Variants in CMC1 observed in about 807,000 individuals in gnomAD.
CMC1 encodes the protein COX assembly mitochondrial protein homolog.
CMC1 carries 14 observed loss-of-function variants against 14.1 expected under a neutral mutation model. The observed-to-expected ratio is 0.99, with a 90% CI of 0.66 to 1.55. CMC1 has a LOEUF of 1.55. Ranked by LOEUF, CMC1 falls within the 40% of genes most tolerant of loss-of-function variation. The pLI, the probability that CMC1 is intolerant of heterozygous loss-of-function variation, is 0.00. For synonymous variants in CMC1, 50 were observed against 38.4 expected, an observed-to-expected ratio of 1.30 and a Z score of -1.12; for missense variants, 127 against 123.8, an observed-to-expected ratio of 1.03 and a Z score of -0.12.
intron 3 of CMC1, chr3:28,317,565 T>A (rs1046806849): frequency 1.2e-4 from 19 of 152,038 alleles, no homozygotes; most frequent in African/African-American, 3.9e-4. Flanking sequence ...AATTTTTATA[T>A]CTCAGATTCA....
chr3:28,272,973 C>G (rs1176233944), intron 2 of CMC1, among the ~76,000 whole-genome samples: 1 of 152,174 alleles, frequency 6.6e-6, no homozygotes, highest in Non-Finnish European at 1.5e-5. Flanking sequence ...GTGTGAGCCA[C>G]CACGCCCAGC....
chr3:28,253,905 A>G (rs1212249182), intron 1 of CMC1: 8 of 370,848 alleles, frequency 2.2e-5, no homozygotes, highest in Non-Finnish European at 3.6e-5. Context: ...AAGACTCTGT[A>G]ATATTCTTAT....
chr3:28,316,369 T>A lies in CMC1; in HGVS notation c.146T>A (p.Met49Lys). The change falls in exon 3 of 4, where the codon ATG becomes AAG. Residue 49 changes from methionine to lysine, a missense_variant. Coordinates refer to ENST00000466830, the MANE Select transcript of CMC1 (RefSeq NM_182523.2). ...TKCCKNSGVL[M>K]VVKCRKENSA... The stretch of plus-strand genomic sequence containing the variant: ...TGTTGCAAGAACTCTGGAGTTCTTA[T>A]GGTAGTAAAATGCCGGAAAGAAAAT... The A allele has an allele frequency of 6.3e-7, 1 of 1,595,202 alleles. No individual in the cohort carries two copies. The highest frequency in any genetic ancestry group is 8.5e-7 in the Non-Finnish European group (1 of 1,172,610).
At position 28,323,643 on chromosome 3, in the gene CMC1, A is replaced by G. The variant is rs1233934584; in HGVS notation, c.*4014A>G. ...ACATTGCCATTTGTTCCATTATGCA[A>G]TTTGAAGAAACATGTTTTCCTTTTA... On this transcript the variant is annotated 3_prime_UTR_variant, in exon 4 of 4. Transcript: ENST00000466830. The G allele has an allele frequency of 1.3e-5, 2 of 155,766 alleles. No homozygotes were observed. The highest frequency in any genetic ancestry group is 4.8e-5 in the African/African-American group (2 of 41,428). The allele number at this position is 155,766 out of a possible 1,614,324, so 9.6% of individuals were successfully genotyped here.
intron 2 of CMC1, among the ~76,000 whole-genome samples, chr3:28,302,444 T>G (rs543367012): frequency 1.0e-3 from 152 of 152,276 alleles, no homozygotes; most frequent in Non-Finnish European, 1.9e-3. Flanking sequence ...AAAGTGTGTT[T>G]GGGGAGACTT....
intron 1 of CMC1, among the ~76,000 whole-genome samples, chr3:28,262,071 T>A (rs759852473): frequency 6.6e-6 from 1 of 152,196 alleles, no homozygotes; most frequent in Non-Finnish European, 1.5e-5. Flanking sequence ...GTTTAGAGAC[T>A]CTAGAATTCT....
intron 1 of CMC1, among the ~76,000 whole-genome samples, chr3:28,249,198 C>A (rs1048227048): frequency 6.6e-6 from 1 of 152,190 alleles, no homozygotes; most frequent in Non-Finnish European, 1.5e-5. Context: ...GAGATTCTTA[C>A]AGATCAAAAG....
chr3:28,258,834 A>G (rs1269534622), intron 1 of CMC1, among the ~76,000 whole-genome samples: 1 of 151,840 alleles, frequency 6.6e-6, no homozygotes, highest in Non-Finnish European at 1.5e-5. Flanking sequence ...TGTGTTAGCC[A>G]GGATGGTCTC....
Position 28,306,889 on chromosome 3 carries a change from G to A in CMC1, c.110-9444G>A, listed in dbSNP as rs201591057. ...CTCCAATCCTGACCTCAGGTGATCC[G>A]CCCACCTCGGCCTCCCAGAGTGCTG... On this transcript the variant is annotated intron_variant, in intron 2 of 3. Coordinates refer to ENST00000466830, the MANE Select transcript of CMC1 (RefSeq NM_182523.2). Among the ~76,000 whole-genome samples, 32 of 152,138 alleles carry A rather than the reference G, an allele frequency of 2.1e-4. No individual in the cohort carries two copies. In the East Asian group the frequency reaches 2.1e-3, roughly 10 times the overall value.
intron 2 of CMC1, among the ~76,000 whole-genome samples, chr3:28,264,644 G>A (rs1640234712): frequency 6.6e-6 from 1 of 152,112 alleles, no homozygotes; most frequent in Non-Finnish European, 1.5e-5. Context: ...ATTGGTAGGT[G>A]TCATGTTTAT....
chr3:28,296,792 ATAAT>A (rs2125563902), intron 2 of CMC1, among the ~76,000 whole-genome samples: 1 of 152,208 alleles, frequency 6.6e-6, no homozygotes, highest in East Asian at 1.9e-4. Flanking sequence ...AATACTTTAA[ATAAT>A]TATTTCATTG....
At chr3:28,310,575 G>C (rs915781344) in intron 2 of CMC1, among the ~76,000 whole-genome samples, 1 of 151,980 alleles carries the variant, frequency 6.6e-6, no homozygotes, top group Non-Finnish European at 1.5e-5. Flanking sequence ...GTTCTACTTT[G>C]GTAATTAAAG....
chr3:28,263,177 A>C, intron 1 of CMC1, 114 bp from the exon 2 acceptor site: 1 of 690,680 alleles, frequency 1.4e-6, no homozygotes, highest in South Asian at 1.8e-5. Context: ...ATAAGGTTGT[A>C]AGTTTTGAGT....
In CMC1 at chr3:28,241,696, G is replaced by A. The variant is rs1698518865; in HGVS notation, c.-98G>A. On this transcript the variant is annotated 5_prime_UTR_variant, in exon 1 of 4. Coordinates refer to ENST00000466830, the MANE Select transcript of CMC1 (RefSeq NM_182523.2). ...TGTTTCTGTTGCGGGAAGCTCCCGG[G>A]GGTCGCACGTGCGTCCGAGCCCAAG... The A allele has an allele frequency of 4.0e-6, 5 of 1,236,944 alleles. No homozygotes were observed. The highest frequency in any genetic ancestry group is 6.2e-4 in the Middle Eastern group (2 of 3,248). The allele number at this position is 1,236,944 out of a possible 1,614,324, so 76.6% of individuals were successfully genotyped here.
chr3:28,254,270 T>C (rs1432857546), intron 1 of CMC1, among the ~76,000 whole-genome samples: 1 of 152,230 alleles, frequency 6.6e-6, no homozygotes, highest in African/African-American at 2.4e-5. Context: ...ATATTGTGAA[T>C]CAAAATTGCC....
At chr3:28,255,160 CT>C (rs1484190985) in intron 1 of CMC1, among the ~76,000 whole-genome samples, 1 of 152,114 alleles carries the variant, frequency 6.6e-6, no homozygotes, top group East Asian at 1.9e-4. Flanking sequence ...CACCATCAAG[CT>C]TATAGGACCT....
rs1248681851 is a variant in CMC1, at chr3:28,320,795, A to T, written c.*1166A>T. On this transcript the variant is annotated 3_prime_UTR_variant, in exon 4 of 4. Transcript: ENST00000466830. ...GTATAAAAAATTTATGTCCCAATTT[A>T]ATAATTTGAGCTTTTATATTAAAAG... 5 of 150,588 alleles carry T rather than the reference A, an allele frequency of 3.3e-5. No homozygotes were observed. The highest frequency in any genetic ancestry group is 1.2e-4 in the African/African-American group (5 of 41,304). The allele number at this position is 150,588 out of a possible 1,614,324, so 9.3% of individuals were successfully genotyped here. A position where few individuals can be genotyped will look rare whatever the true frequency, so the allele number is the denominator to read the frequency against.
rs1703308453 is a variant in CMC1, at chr3:28,324,503, CATAAAATTCG to C, written c.*4879_*4888del. ...TGTCAGTTTTCATTACATTTGTGAT[CATAAAATTCG>C]ATAACACTTCACCAATTTGAATTCT... On this transcript the variant is annotated 3_prime_UTR_variant, in exon 4 of 4. Transcript: ENST00000466830. The C allele has an allele frequency of 7.2e-7, 1 of 1,388,982 alleles. No individual in the cohort carries two copies. The highest frequency in any genetic ancestry group is 9.5e-7 in the Non-Finnish European group (1 of 1,056,952). 86.0% of individuals were successfully genotyped at this position (1,388,982 alleles called of 1,614,324 possible). A position where few individuals can be genotyped will look rare whatever the true frequency, so the allele number is the denominator to read the frequency against.
intron 1 of CMC1, among the ~76,000 whole-genome samples, chr3:28,260,716 T>C (rs1222916893): frequency 6.6e-6 from 1 of 152,120 alleles, no homozygotes; most frequent in Non-Finnish European, 1.5e-5. Context: ...TTTTTCTAGA[T>C]AGGTTTTTAG....
Sources: gnomAD v4.1 joint callset for allele counts (sites outside exome capture counted in the v4.1 genomes callset) on GRCh38, gnomAD v4.1.1 for gene constraint, MANE v1.5 for transcripts, NCBI Gene and HGNC (gene_info 2026-07-23, HGNC 2026-07-21) for gene names.